NUP160: variants seen among roughly 807,000 people sequenced by gnomAD.
NUP160 encodes nucleoporin 160.
In NUP160, 94 loss-of-function variants were observed where a neutral mutation model predicts 196.9. That is an observed-to-expected ratio of 0.48 (90% confidence interval 0.40 to 0.57). The LOEUF (loss-of-function observed/expected upper bound fraction) is 0.57, where lower values mean the gene tolerates loss of function less well. NUP160 is among the 20% of genes least tolerant of loss of function. The pLI, the probability that NUP160 is intolerant of heterozygous loss-of-function variation, is 0.00. For missense variants in NUP160, 1,638 were observed against 1,748.3 expected, an observed-to-expected ratio of 0.94 and a Z score of 1.13; for synonymous variants, 605 against 619.7, an observed-to-expected ratio of 0.98 and a Z score of 0.35.
At chr11:47,836,942 T>A (rs757609672) in exon 6 of NUP160, 10 of 1,613,780 alleles carry the variant, frequency 6.2e-6, no homozygotes, top group Non-Finnish European at 8.5e-6. Context: ...GATGAAGGCA[T>A]CATGCTCCAC....
intron 23 of NUP160, 39 bp from the exon 24 acceptor site, chr11:47,798,502 T>C (rs2097672211): frequency 8.7e-7 from 1 of 1,147,122 alleles, no homozygotes; most frequent in Admixed American, 1.8e-5. Flanking sequence ...AAAATTAATA[T>C]TGTAATGTAC....
intron 4 of NUP160, among the ~76,000 whole-genome samples, chr11:47,838,615 T>C (rs1026949968): frequency 6.7e-6 from 1 of 148,236 alleles, no homozygotes. Flanking sequence ...GGCTGAGACA[T>C]GAGAATCACT....
At chr11:47,799,485 G>A (rs986213665) in intron 23 of NUP160, among the ~76,000 whole-genome samples, 2 of 152,064 alleles carry the variant, frequency 1.3e-5, no homozygotes, top group African/African-American at 2.4e-5. Flanking sequence ...TAATACATAT[G>A]TATGATACAT....
chr11:47,807,010 T>C (rs1468815905), intron 19 of NUP160, 60 bp downstream of exon 19: 13 of 1,268,494 alleles, frequency 1.0e-5, no homozygotes, highest in Non-Finnish European at 1.5e-5. Context: ...AAGACCACTT[T>C]AATGAATATG....
At position 47,785,574 on chromosome 11, in the gene NUP160, T is replaced by A. The variant is rs530746524; in HGVS notation, c.3849-511A>T. ...CGTATATTCCTCTCCCACTAACGTATTTAGTATTTAGTAAACAAACATATT... is the reference window on the plus strand; with the variant it reads ...CGTATATTCCTCTCCCACTAACGTAATTAGTATTTAGTAAACAAACATATT... On this transcript the variant is annotated intron_variant, in intron 32 of 35. Coordinates refer to ENST00000378460, the Ensembl canonical transcript of NUP160. Among the ~76,000 whole-genome samples the A allele has an allele frequency of 9.2e-5, 14 of 152,356 alleles. 1 individual carries two copies. In the East Asian group the frequency reaches 2.3e-3, roughly 25 times the overall value.
chr11:47,788,387 C>A, intron 30 of NUP160, 82 bp from the exon 31 acceptor site: 1 of 1,579,242 alleles, frequency 6.3e-7, no homozygotes, highest in Non-Finnish European at 8.7e-7. Flanking sequence ...TGATGAGTAT[C>A]TCTGAGTAAT....
chr11:47,835,716 G>A, exon 7 of NUP160: 1 of 1,606,546 alleles, frequency 6.2e-7, no homozygotes, highest in Non-Finnish European at 8.5e-7. Flanking sequence ...GAATAAGCAA[G>A]CCGTAATTTG....
chr11:47,802,002 C>T, intron 22 of NUP160, 72 bp from the exon 23 acceptor site: 2 of 1,489,198 alleles, frequency 1.3e-6, no homozygotes, highest in Non-Finnish European at 1.8e-6. Context: ...CAGGGGTTCA[C>T]ATGTAAGGGA....
At chr11:47,841,370 C>A in intron 2 of NUP160, 1 of 430,130 alleles carries the variant, frequency 2.3e-6, no homozygotes, top group South Asian at 2.7e-5. Flanking sequence ...TGTCCATTTT[C>A]TTATGCAAAC....
intron 13 of NUP160, among the ~76,000 whole-genome samples, chr11:47,814,472 C>T (rs564548024): frequency 2.8e-4 from 42 of 149,310 alleles, no homozygotes; most frequent in Non-Finnish European, 5.3e-4. Flanking sequence ...ACTCAGTAGG[C>T]GGAGGTTGCA....
chr11:47,818,549 C>CAAAAA lies in NUP160; in HGVS notation c.1363-426_1363-425insTTTTT, dbSNP rs55657302. On this transcript the variant is annotated intron_variant, in intron 10 of 35. Coordinates refer to ENST00000378460, the Ensembl canonical transcript of NUP160. The stretch of plus-strand genomic sequence containing the variant: ...TAATAGGTATTATATGCAAACAAAA[C>CAAAAA]AAAACAAAACAAAACAAACAGCAAT... Among the ~76,000 whole-genome samples, 340 of 151,582 alleles carry CAAAAA rather than the reference C, an allele frequency of 2.2e-3. 2 individuals carry two copies. The highest frequency in any genetic ancestry group is 3.4e-3 in the Non-Finnish European group (233 of 67,814).
At chr11:47,841,659 A>G (rs937694074) in intron 2 of NUP160, 9 of 370,966 alleles carry the variant, frequency 2.4e-5, no homozygotes, top group African/African-American at 4.4e-5. Context: ...TGAGGGCTCT[A>G]AGGAGCATGT....
intron 27 of NUP160, chr11:47,796,374 T>G: frequency 1.7e-6 from 1 of 583,690 alleles, no homozygotes; most frequent in Non-Finnish European, 3.1e-6. Context: ...CCTTACAAAT[T>G]GCTGTTCTAA....
chr11:47,804,548 C>A lies in NUP160; in HGVS notation c.2676+1G>T. 1 of 1,531,346 alleles carries A rather than the reference C, an allele frequency of 6.5e-7. No individual in the cohort carries two copies. Among genetic ancestry groups the A allele is most frequent in the South Asian group, 1.3e-5 (1 of 76,552 alleles). The allele number at this position is 1,531,346 out of a possible 1,614,324, so 94.9% of individuals were successfully genotyped here. On this transcript the variant is annotated splice_donor_variant, in intron 21 of 35. Transcript: ENST00000378460. LOFTEE classifies it high-confidence loss of function. ...GACATGAAATGTTCAAAGGAACTCA[C>A]CTGCAATTGTACATATTGGCAATTT...
chr11:47,798,691 G>A lies in NUP160; in HGVS notation c.2896-228C>T, dbSNP rs553248564. On this transcript the variant is annotated intron_variant, in intron 23 of 35. Coordinates refer to ENST00000378460, the Ensembl canonical transcript of NUP160. ...AAATTTTTTTAAAAATTAGCTGCGT[G>A]TGGTGGCATGCGCCTGTAGTTGTAG... 2.1e-3 allele frequency among the ~76,000 whole-genome samples: 317 copies of A among 152,114 alleles called. 10 individuals are homozygous for A. The South Asian group carries it at 0.064, about 31-fold the overall frequency.
At chr11:47,843,314 A>G (rs527904655) in intron 2 of NUP160, among the ~76,000 whole-genome samples, 2 of 151,454 alleles carry the variant, frequency 1.3e-5, no homozygotes, top group South Asian at 4.2e-4. Flanking sequence ...GTCATCAATG[A>G]CCTCCATGAT....
rs1057437338 is a variant in NUP160 at position 47,783,082 on chromosome 11, G to T, written c.4107C>A (p.Phe1369Leu). Reference sequence around the variant, plus strand: ...ATTTGTATATGCCTACCTCAATTCCGAAGTATTGATGTCCTTTTCCCAATA... The same window carrying T: ...ATTTGTATATGCCTACCTCAATTCCTAAGTATTGATGTCCTTTTCCCAATA... Residue 1369 changes from phenylalanine to leucine, a missense_variant, in exon 34 of 36, where the codon TTC (phenylalanine) becomes TTA (leucine). This residue lies in a region of NUP160 where 1,345 missense variants were observed against 1,470.2 expected (regional missense o/e 0.91). Coordinates refer to ENST00000378460, the Ensembl canonical transcript of NUP160. 5.6e-6 allele frequency: 9 copies of T among 1,612,490 alleles called. No individual in the cohort carries two copies. Among genetic ancestry groups the T allele is most frequent in the African/African-American group, 1.3e-5 (1 of 74,944 alleles).
At chr11:47,837,441 A>G in intron 5 of NUP160, 104 bp downstream of exon 5, 1 of 852,488 alleles carries the variant, frequency 1.2e-6, no homozygotes, top group Non-Finnish European at 2.0e-6. Context: ...TCTCCTTTCC[A>G]GTATAATGTT....
chr11:47,804,691 A>G, intron 20 of NUP160, 73 bp from the exon 21 acceptor site: 1 of 997,992 alleles, frequency 1.0e-6, no homozygotes, highest in Non-Finnish European at 1.4e-6. Context: ...CATCAAATTC[A>G]GAAAAGTCCA....
Sources: allele counts gnomAD v4.1 joint callset (sites outside exome capture counted in the v4.1 genomes callset), GRCh38; gene constraint gnomAD v4.1.1; regional missense constraint gnomAD v4.1.1; transcripts MANE v1.5; gene names NCBI Gene and HGNC (gene_info 2026-07-23, HGNC 2026-07-21).